Variants in PCLO observed in about 807,000 individuals in gnomAD.
The protein encoded by PCLO is protein piccolo.
In PCLO, 82 loss-of-function variants were observed where a neutral mutation model predicts 427.5. The ratio of observed to expected loss-of-function variants is 0.19; its 90% CI spans 0.16 to 0.23. PCLO has a LOEUF of 0.23. Among genes scored for constraint, PCLO ranks in the 10% least tolerant of loss-of-function variants. PCLO has a pLI of 1.00. For synonymous variants in PCLO, 2,357 were observed against 2,155.4 expected, an observed-to-expected ratio of 1.09 and a Z score of -2.59; for missense variants, 6,239 against 6,115.9, an observed-to-expected ratio of 1.02 and a Z score of -0.67.
chr7:83,005,359 AAAG>A (rs2115951218), intron 3 of PCLO, among the ~76,000 whole-genome samples: 1 of 151,796 alleles, frequency 6.6e-6, no homozygotes, highest in East Asian at 1.9e-4. Flanking sequence ...TGTGGAATCT[AAAG>A]AAGTCGAACT....
At chr7:82,897,880 C>T (rs1398980645) in intron 9 of PCLO, among the ~76,000 whole-genome samples, 1 of 151,204 alleles carries the variant, frequency 6.6e-6, no homozygotes, top group Non-Finnish European at 1.5e-5. Flanking sequence ...GGAAACATAT[C>T]CACTTTAATA....
chr7:83,013,534 A>C (rs1788137559), intron 3 of PCLO, among the ~76,000 whole-genome samples: 1 of 152,188 alleles, frequency 6.6e-6, no homozygotes, highest in South Asian at 2.1e-4. Context: ...TTGGGTAAAT[A>C]AACACTGGAT....
chr7:82,922,998 A>T (rs1794633032), intron 6 of PCLO, among the ~76,000 whole-genome samples: 1 of 152,030 alleles, frequency 6.6e-6, no homozygotes, highest in Non-Finnish European at 1.5e-5. Context: ...TTTAGGTGGT[A>T]GAGATGTGGA....
intron 9 of PCLO, among the ~76,000 whole-genome samples, chr7:82,890,550 A>C (rs933604927): frequency 6.6e-6 from 1 of 151,944 alleles, no homozygotes; most frequent in Non-Finnish European, 1.5e-5. Flanking sequence ...CTGTTAGTCC[A>C]CATTATTTAA....
At chr7:82,902,414 T>A (rs553804270) in intron 9 of PCLO, among the ~76,000 whole-genome samples, 2 of 150,208 alleles carry the variant, frequency 1.3e-5, no homozygotes, top group East Asian at 4.0e-4. Context: ...CATCACACAC[T>A]GGGGCCTGTT....
intron 3 of PCLO, among the ~76,000 whole-genome samples, chr7:82,971,236 C>T (rs1197306812): frequency 1.3e-5 from 2 of 151,714 alleles, no homozygotes; most frequent in African/African-American, 4.8e-5. Context: ...ATGACTTTTA[C>T]TTGCTGAAAA....
At position 82,950,150 on chromosome 7, in the gene PCLO, C is replaced by T. The variant is rs1461863099; in HGVS notation, c.10438G>A (p.Asp3480Asn). 1 of 1,610,500 alleles carries T rather than the reference C, an allele frequency of 6.2e-7. No homozygotes were observed. Among genetic ancestry groups the T allele is most frequent in the African/African-American group, 1.4e-5 (1 of 73,520 alleles). ...TSVQTDDEDQ[D>N]EWDMPTRSRR... is the part of the protein sequence containing the mutation. The stretch of plus-strand genomic sequence containing the variant: ...GATCTAGTAGGCATATCCCACTCAT[C>T]CTGATCTTCATCATCAGTTTGGACG... Residue 3480 changes from aspartate (D) to asparagine (N), a missense_variant, in exon 6 of 25, where the codon GAT becomes AAT. Physicochemically the swap from Asp to Asn is conservative, Grantham distance 23 (BLOSUM62 1). Coordinates refer to ENST00000333891, the MANE Select transcript of PCLO (RefSeq NM_033026.6).
At position 82,915,206 on chromosome 7, in the gene PCLO, A is replaced by G. The variant is rs2116262304; in HGVS notation, c.12780T>C (p.Leu4260=). The change falls in exon 7 of 25, where the codon CTT becomes CTC. Residue 4260 remains leucine, a synonymous_variant. Transcript: ENST00000333891. ...TTCCTAATGTGCCCAGTCCTGTGCC[A>G]AGAGAAGATCCCATAAATTTTTGTT... ...TDQQKFMGSS[L]GTGLGTLGNT... The G allele has an allele frequency of 1.2e-6, 2 of 1,612,144 alleles. No individual in the cohort carries two copies. Among genetic ancestry groups the G allele is most frequent in the Non-Finnish European group, 1.7e-6 (2 of 1,179,028 alleles).
At chr7:82,835,618 A>C (rs1419143640) in intron 16 of PCLO, 49 bp downstream of exon 16, 2 of 1,525,246 alleles carry the variant, frequency 1.3e-6, no homozygotes, top group Non-Finnish European at 1.8e-6. Flanking sequence ...CAAAAGTATA[A>C]TTCAAGACAT....
At chr7:82,861,303 A>T (rs1792949135) in intron 10 of PCLO, among the ~76,000 whole-genome samples, 2 of 151,992 alleles carry the variant, frequency 1.3e-5, no homozygotes, top group African/African-American at 4.8e-5. Context: ...GGAACCTAGA[A>T]ATTAATAACA....
At chr7:83,079,267 A>G (rs1562953311) in intron 3 of PCLO, among the ~76,000 whole-genome samples, 1 of 152,202 alleles carries the variant, frequency 6.6e-6, no homozygotes, top group Non-Finnish European at 1.5e-5. Context: ...TGTTCACTTA[A>G]AACCAACATA....
chr7:83,134,902 G>A lies in PCLO; in HGVS notation c.2648C>T (p.Pro883Leu), dbSNP rs748944350. The change falls in exon 3 of 25, where the codon CCT becomes CTT. Residue 883 changes from proline to leucine, a missense_variant. By Grantham distance (98) the Pro-to-Leu change is moderately conservative. This residue lies in a region of PCLO where 4,677 missense variants were observed against 4,468.4 expected (regional missense o/e 1.05). Transcript: ENST00000333891. ...KGSPTPPGPR[P>L]TAGQTVPTPQ... is the part of the protein sequence containing the mutation. The stretch of plus-strand genomic sequence containing the variant: ...TGTGGGGACAGTTTGGCCAGCGGTA[G>A]GTCGTGGGCCAGGGGGTGTTGGTGA... 9 of 1,602,210 alleles carry A rather than the reference G, an allele frequency of 5.6e-6. No homozygotes were observed. The highest frequency in any genetic ancestry group is 7.7e-6 in the Non-Finnish European group (9 of 1,174,212).
intron 3 of PCLO, among the ~76,000 whole-genome samples, chr7:83,038,589 A>G (rs1045105953): frequency 1.3e-5 from 2 of 151,996 alleles, no homozygotes; most frequent in African/African-American, 4.8e-5. Flanking sequence ...CTAACATTTC[A>G]TTGTATGAAC....
chr7:82,802,351 G>A (rs1791372298), intron 21 of PCLO, among the ~76,000 whole-genome samples: 1 of 152,060 alleles, frequency 6.6e-6, no homozygotes, highest in Non-Finnish European at 1.5e-5. Context: ...TAACAGGTAG[G>A]CATGCTCGTA....
At chr7:82,906,250 G>A (rs1037185735) in intron 8 of PCLO, among the ~76,000 whole-genome samples, 7 of 151,948 alleles carry the variant, frequency 4.6e-5, no homozygotes, top group Non-Finnish European at 8.8e-5. Flanking sequence ...ATTAGTGTTT[G>A]CATTAGTATT....
intron 3 of PCLO, among the ~76,000 whole-genome samples, chr7:82,977,233 T>C (rs1165626136): frequency 6.6e-6 from 1 of 151,992 alleles, no homozygotes; most frequent in Admixed American, 6.6e-5. Flanking sequence ...TTTTGTTAGA[T>C]CTTTGTTCCT....
intron 3 of PCLO, among the ~76,000 whole-genome samples, chr7:83,110,306 CTTTT>C (rs549507221): frequency 2.7e-5 from 4 of 148,768 alleles, no homozygotes; most frequent in Admixed American, 2.0e-4. Context: ...CTTTACATGC[CTTTT>C]TTTAATAAAA....
intron 3 of PCLO, among the ~76,000 whole-genome samples, chr7:83,067,843 T>C (rs1379824295): frequency 2.1e-5 from 3 of 143,232 alleles, no homozygotes; most frequent in South Asian, 2.3e-4. Flanking sequence ...AAATCCCTCC[T>C]GTGTAAAGAA....
In PCLO at chr7:82,962,771, A is replaced by G. The variant is rs185499314; in HGVS notation, c.4017+3000T>C. Among the ~76,000 whole-genome samples the G allele has an allele frequency of 3.8e-3, 572 of 152,128 alleles. 3 individuals are homozygous for G. The highest frequency in any genetic ancestry group is 6.4e-3 in the Non-Finnish European group (433 of 67,868). The stretch of plus-strand genomic sequence containing the variant: ...AGAATAAGGTTAGGGAGATGGCAGT[A>G]CATGTGAAAAACATTTATTCATTAC... On this transcript the variant is annotated intron_variant, in intron 4 of 24. Coordinates refer to ENST00000333891, the MANE Select transcript of PCLO (RefSeq NM_033026.6).
Sources: allele counts gnomAD v4.1 joint callset (sites outside exome capture counted in the v4.1 genomes callset), GRCh38; gene constraint gnomAD v4.1.1; regional missense constraint gnomAD v4.1.1; transcripts MANE v1.5; gene names NCBI Gene and HGNC (gene_info 2026-07-23, HGNC 2026-07-21).